The following SPRY4 variants were observed in gnomAD, a reference collection of about 807,000 sequenced individuals.
SPRY4 encodes the protein sprouty RTK signaling antagonist 4, also known as protein sprouty homolog 4.
Under a neutral mutation model 17.0 loss-of-function variants are expected in SPRY4, and 7 were observed. The ratio of observed to expected loss-of-function variants is 0.41; its 90% confidence interval spans 0.23 to 0.77. The LOEUF (loss-of-function observed/expected upper bound fraction) is 0.77, where lower values mean the gene tolerates loss of function less well. SPRY4 is among the 30% of genes least tolerant of loss of function. SPRY4 has a pLI of 0.32. For missense variants in SPRY4, 435 were observed against 419.9 expected, an observed-to-expected ratio of 1.04 and a Z score of -0.31; for synonymous variants, 183 against 174.1, an observed-to-expected ratio of 1.05 and a Z score of -0.40.
intron 1 of SPRY4, among the ~76,000 whole-genome samples, chr5:142,323,256 G>A (rs551946307): frequency 1.4e-5 from 2 of 144,760 alleles, no homozygotes; most frequent in South Asian, 4.6e-4. Flanking sequence ...TTGTCAGGGA[G>A]GTTAGTGCCT....
intron 1 of SPRY4, among the ~76,000 whole-genome samples, chr5:142,316,542 G>C (rs1404776197): frequency 2.6e-5 from 4 of 152,076 alleles, no homozygotes; most frequent in Non-Finnish European, 5.9e-5. Context: ...AAAAGAGAAA[G>C]ATAAGTCTTT....
chr5:142,320,541 T>C (rs1425145438), intron 1 of SPRY4, among the ~76,000 whole-genome samples: 4 of 152,260 alleles, frequency 2.6e-5, no homozygotes, highest in Non-Finnish European at 5.9e-5. Flanking sequence ...CTTTGGGCTT[T>C]GGGCTATTTA....
rs531651163 is a variant in SPRY4 at position 142,312,656 on chromosome 5, A to C, written c.*1553T>G. 2 of 152,308 alleles carry C rather than the reference A, an allele frequency of 1.3e-5. No individual in the cohort carries two copies. The highest frequency in any genetic ancestry group is 2.4e-5 in the African/African-American group (1 of 41,534). 9.4% of individuals were successfully genotyped at this position (152,308 alleles called of 1,614,324 possible). A position where few individuals can be genotyped will look rare whatever the true frequency, so the allele number is the denominator to read the frequency against. ...GACTCAGGCCATGCCCTCTCATTAG[A>C]GGGGAAAACAAAATACCACACAAAG... On this transcript the variant is annotated 3_prime_UTR_variant, in exon 2 of 2. Transcript: ENST00000434127.
At chr5:142,324,748 T>G (rs1759474845) in intron 1 of SPRY4, 96 bp downstream of exon 1, 1 of 152,630 alleles carries the variant, frequency 6.6e-6, no homozygotes, top group African/African-American at 2.4e-5. Flanking sequence ...GAGGCGCGCC[T>G]AGAAATAGCG....
At position 142,317,829 on chromosome 5, in the gene SPRY4, C is replaced by A. The variant is rs1367839861; in HGVS notation, c.-47-2674G>T. On this transcript the variant is annotated intron_variant, in intron 1 of 1. Coordinates refer to ENST00000434127, the MANE Select transcript of SPRY4 (RefSeq NM_001127496.3). ...TGTTGGCATTCACAGGCTCCCATAA[C>A]CCTCCAGAGGCAGCTGTCAACATCT... 3.0e-6 allele frequency: 3 copies of A among 985,242 alleles called. No homozygotes were observed. In the African/African-American group the frequency reaches 5.2e-5, roughly 17 times the overall value. The allele number at this position is 985,242 out of a possible 1,614,324, so 61.0% of individuals were successfully genotyped here.
chr5:142,317,394 G>C (rs1489489732), intron 1 of SPRY4: 3 of 985,392 alleles, frequency 3.0e-6, no homozygotes, highest in East Asian at 2.3e-4. Context: ...CCACGGATAA[G>C]ATTCTCCAGC....
intron 1 of SPRY4, among the ~76,000 whole-genome samples, chr5:142,322,357 G>T (rs974925646): frequency 5.9e-5 from 9 of 151,900 alleles, no homozygotes; most frequent in Non-Finnish European, 1.3e-4. Flanking sequence ...TGTAATTCCA[G>T]CTACTTGGGA....
intron 1 of SPRY4, chr5:142,317,664 A>C: frequency 1.0e-6 from 1 of 982,340 alleles, no homozygotes; most frequent in Non-Finnish European, 1.2e-6. Flanking sequence ...AAAACAGCCC[A>C]TGTCCTACAG....
At chr5:142,319,505 G>A (rs1759271618) in intron 1 of SPRY4, among the ~76,000 whole-genome samples, 1 of 152,138 alleles carries the variant, frequency 6.6e-6, no homozygotes, top group Non-Finnish European at 1.5e-5. Flanking sequence ...CCCTGGGGTG[G>A]AAAGGAATCT....
At chr5:142,318,774 C>T (rs1429124898) in intron 1 of SPRY4, among the ~76,000 whole-genome samples, 1 of 152,162 alleles carries the variant, frequency 6.6e-6, no homozygotes, top group African/African-American at 2.4e-5. Context: ...GCCAAAGAAG[C>T]ACCTCTATCA....
Position 142,313,691 on chromosome 5 carries a change from T to G in SPRY4, c.*518A>C. 6.5e-6 allele frequency: 1 copy of G among 154,924 alleles called. No homozygotes were observed. Among genetic ancestry groups the G allele is most frequent in the South Asian group, 2.0e-4 (1 of 5,084 alleles). The allele number at this position is 154,924 out of a possible 1,614,324, so 9.6% of individuals were successfully genotyped here. ...CCAAGACATCAGGGACAAAGTGGGG[T>G]GGAGTGAGATGGGGAAGGAGAAGAA... On this transcript the variant is annotated 3_prime_UTR_variant, in exon 2 of 2. Coordinates refer to ENST00000434127, the MANE Select transcript of SPRY4 (RefSeq NM_001127496.3).
chr5:142,317,336 G>A, intron 1 of SPRY4: 1 of 985,460 alleles, frequency 1.0e-6, no homozygotes, highest in South Asian at 4.7e-5. Flanking sequence ...CAGCACTGAG[G>A]ACGCTGCCTG....
At chr5:142,322,490 A>G (rs547734204) in intron 1 of SPRY4, among the ~76,000 whole-genome samples, 4 of 134,784 alleles carry the variant, frequency 3.0e-5, no homozygotes, top group African/African-American at 1.0e-4. Context: ...AAAAATATAT[A>G]TATATATATA....
At chr5:142,319,740 G>T (rs766194857) in intron 1 of SPRY4, 3 of 1,612,404 alleles carry the variant, frequency 1.9e-6, no homozygotes, top group Non-Finnish European at 1.7e-6. Flanking sequence ...CACTGCATTT[G>T]TACCTGTGGG....
chr5:142,321,076 C>T (rs1026167864), intron 1 of SPRY4, among the ~76,000 whole-genome samples: 9 of 152,226 alleles, frequency 5.9e-5, no homozygotes, highest in Admixed American at 5.2e-4. Flanking sequence ...CCACATGTCC[C>T]GGATACATTC....
At chr5:142,323,451 T>TG (rs1015091492) in intron 1 of SPRY4, among the ~76,000 whole-genome samples, 4 of 152,202 alleles carry the variant, frequency 2.6e-5, no homozygotes, top group Admixed American at 6.5e-5. Context: ...CTAACCGCGC[T>TG]GGGGGGTACG....
At chr5:142,317,574 T>C in intron 1 of SPRY4, 1 of 985,274 alleles carries the variant, frequency 1.0e-6, no homozygotes, top group Non-Finnish European at 1.2e-6. Context: ...GGTCTGGTCA[T>C]GCTGTGGAAG....
chr5:142,311,780 A>G lies in SPRY4; in HGVS notation c.*2429T>C, dbSNP rs1758921496. On this transcript the variant is annotated 3_prime_UTR_variant, in exon 2 of 2. Transcript: ENST00000434127. ...AGCAGGTTGAAAGCAAACCAAGAAG[A>G]ACAAGCTAGAACAGGGGCAGGGGGA... The G allele has an allele frequency of 1.3e-5, 2 of 152,714 alleles. No individual in the cohort carries two copies. Among genetic ancestry groups the G allele is most frequent in the Non-Finnish European group, 1.5e-5 (1 of 68,172 alleles). 9.5% of individuals were successfully genotyped at this position (152,714 alleles called of 1,614,324 possible).
At position 142,312,971 on chromosome 5, in the gene SPRY4, T is replaced by C. The variant is rs1758978730; in HGVS notation, c.*1238A>G. 1 of 152,618 alleles carries C rather than the reference T, an allele frequency of 6.6e-6. No homozygotes were observed. Among genetic ancestry groups the C allele is most frequent in the African/African-American group, 2.4e-5 (1 of 41,452 alleles). The allele number at this position is 152,618 out of a possible 1,614,324, so 9.5% of individuals were successfully genotyped here. A position where few individuals can be genotyped will look rare whatever the true frequency, so the allele number is the denominator to read the frequency against. ...TTCCTAACACTAAAATAGACTCTTT[T>C]TTCATCATCTCTCTATTTACATTAA... On this transcript the variant is annotated 3_prime_UTR_variant, in exon 2 of 2. Coordinates refer to ENST00000434127, the MANE Select transcript of SPRY4 (RefSeq NM_001127496.3).
Sources: gnomAD v4.1 joint callset for allele counts (sites outside exome capture counted in the v4.1 genomes callset) on GRCh38, gnomAD v4.1.1 for gene constraint, MANE v1.5 for transcripts, NCBI Gene and HGNC (gene_info 2026-07-23, HGNC 2026-07-21) for gene names.